NEBL: variants seen among roughly 807,000 people sequenced by gnomAD.
NEBL encodes LIM and SH3 protein 2.
Under a neutral mutation model 140.2 loss-of-function variants are expected in NEBL, and 122 were observed. The ratio of observed to expected loss-of-function variants is 0.87; its 90% confidence interval spans 0.75 to 1.01. The LOEUF (loss-of-function observed/expected upper bound fraction) is 1.01. Among genes scored for constraint, NEBL ranks in the 50% least tolerant of loss-of-function variants. NEBL has a pLI of 0.00. For synonymous variants in NEBL, 436 were observed against 398.9 expected, an observed-to-expected ratio of 1.09 and a Z score of -1.11; for missense variants, 1,365 against 1,231.3, an observed-to-expected ratio of 1.11 and a Z score of -1.62.
chr10:21,000,035 A>G (rs1837826839), intron 3 of NEBL, among the ~76,000 whole-genome samples: 1 of 151,876 alleles, frequency 6.6e-6, no homozygotes, highest in South Asian at 2.1e-4. Flanking sequence ...AAGGTTTTAA[A>G]AAATTAAGCT....
chr10:20,840,718 G>C, intron 13 of NEBL, 21 bp downstream of exon 13: 2 of 1,448,422 alleles, frequency 1.4e-6, no homozygotes, highest in South Asian at 2.3e-5. Flanking sequence ...TTCATCTAAG[G>C]TGTTAAATAA....
intron 3 of NEBL, among the ~76,000 whole-genome samples, chr10:20,888,505 C>A (rs574547106): frequency 6.6e-6 from 1 of 152,318 alleles, no homozygotes; most frequent in African/African-American, 2.4e-5. Flanking sequence ...CAGTTTCATG[C>A]TGGATGAGTG....
chr10:20,840,716 A>C (rs375985605), intron 13 of NEBL, 23 bp downstream of exon 13: 38 of 1,436,410 alleles, frequency 2.6e-5, no homozygotes, highest in Non-Finnish European at 3.6e-5. Context: ...TATTCATCTA[A>C]GGTGTTAAAT....
intron 3 of NEBL, among the ~76,000 whole-genome samples, chr10:21,189,608 G>T (rs1424331735): frequency 6.6e-6 from 1 of 152,092 alleles, no homozygotes; most frequent in African/African-American, 2.4e-5. Flanking sequence ...GGGACTACAG[G>T]CGCCCGCCAC....
chr10:21,139,938 G>A (rs1398650973), intron 2 of NEBL, among the ~76,000 whole-genome samples: 1 of 149,272 alleles, frequency 6.7e-6, no homozygotes, highest in Non-Finnish European at 1.5e-5. Flanking sequence ...ATCACTTGAG[G>A]CCAGGAGTTC....
At chr10:20,921,024 G>A (rs1428325679) in intron 4 of NEBL, among the ~76,000 whole-genome samples, 1 of 152,048 alleles carries the variant, frequency 6.6e-6, no homozygotes, top group Non-Finnish European at 1.5e-5. Flanking sequence ...AAAATGTCTG[G>A]AGTAATGACA....
rs188543563 is a variant in NEBL, at chr10:21,185,291, C to G, written n.349-12814G>C. On this transcript the variant is annotated intron_variant and non_coding_transcript_variant, in intron 3 of 8. Transcript: ENST00000675702. ...GAGTGAAAGGGCATGAAAAGGTCACCGTTCCCAGAGACTGCAGAGACCTGC... is the reference window on the plus strand; with the variant it reads ...GAGTGAAAGGGCATGAAAAGGTCACGGTTCCCAGAGACTGCAGAGACCTGC... Among the ~76,000 whole-genome samples the G allele has an allele frequency of 2.8e-3, 422 of 152,176 alleles. 3 individuals are homozygous for G. Among genetic ancestry groups the G allele is most frequent in the African/African-American group, 9.6e-3 (400 of 41,520 alleles).
intron 7 of NEBL, among the ~76,000 whole-genome samples, chr10:20,867,334 C>T (rs896584393): frequency 6.6e-6 from 1 of 152,082 alleles, no homozygotes; most frequent in South Asian, 2.1e-4. Context: ...TTATTTTATG[C>T]TCTTCAATCA....
intron 2 of NEBL, among the ~76,000 whole-genome samples, chr10:21,158,722 T>C (rs2132147058): frequency 6.6e-6 from 1 of 152,328 alleles, no homozygotes; most frequent in East Asian, 1.9e-4. Context: ...GCAAAACGAC[T>C]TGATGTCTGA....
At chr10:21,130,438 C>A (rs1207187307) in intron 2 of NEBL, among the ~76,000 whole-genome samples, 1 of 152,128 alleles carries the variant, frequency 6.6e-6, no homozygotes, top group Non-Finnish European at 1.5e-5. Flanking sequence ...TACCCAACAA[C>A]AGCAGAATAC....
chr10:20,924,839 C>T (rs113279397), intron 4 of NEBL, among the ~76,000 whole-genome samples: 1 of 152,092 alleles, frequency 6.6e-6, no homozygotes, highest in African/African-American at 2.4e-5. Context: ...TAACCATAAT[C>T]CGGCTGGCGC....
chr10:21,182,342 G>T (rs531263476), intron 3 of NEBL, among the ~76,000 whole-genome samples: 1 of 151,962 alleles, frequency 6.6e-6, no homozygotes, highest in Non-Finnish European at 1.5e-5. Flanking sequence ...TAGGTGTGGC[G>T]GTGTGTGCCT....
intron 2 of NEBL, among the ~76,000 whole-genome samples, chr10:21,169,445 A>G (rs533834208): frequency 4.6e-4 from 70 of 152,250 alleles, no homozygotes; most frequent in African/African-American, 1.6e-3. Context: ...CCACAACCAC[A>G]GGGAGCAGCT....
intron 4 of NEBL, among the ~76,000 whole-genome samples, chr10:20,885,414 A>T (rs1040261021): frequency 6.6e-6 from 1 of 152,246 alleles, no homozygotes; most frequent in Admixed American, 6.5e-5. Context: ...GACTAATTAC[A>T]ACAATGGAAA....
chr10:20,836,879 G>A (rs1264000602), intron 13 of NEBL, among the ~76,000 whole-genome samples: 1 of 151,766 alleles, frequency 6.6e-6, no homozygotes, highest in East Asian at 1.9e-4. Flanking sequence ...CCAAGAAGAA[G>A]TCCTGCAACA....
chr10:21,071,914 G>T (rs571449176), intron 2 of NEBL, among the ~76,000 whole-genome samples: 5 of 152,228 alleles, frequency 3.3e-5, no homozygotes, highest in African/African-American at 1.2e-4. Context: ...TGTCTCCTGG[G>T]TTCAAGCAAT....
chr10:20,862,809 C>T (rs908928597), intron 7 of NEBL, among the ~76,000 whole-genome samples: 1 of 152,152 alleles, frequency 6.6e-6, no homozygotes, highest in Admixed American at 6.5e-5. Context: ...CTCCATATGA[C>T]TGGCTTTATT....
rs1835085138 is a variant in NEBL, at chr10:20,782,279, G to A, written c.*3468C>T. The A allele has an allele frequency of 6.6e-6, 1 of 152,464 alleles. No individual in the cohort carries two copies. The highest frequency in any genetic ancestry group is 1.5e-5 in the Non-Finnish European group (1 of 68,006). 9.4% of individuals were successfully genotyped at this position (152,464 alleles called of 1,614,324 possible). On this transcript the variant is annotated 3_prime_UTR_variant, in exon 28 of 28. Coordinates refer to ENST00000377122, the MANE Select transcript of NEBL (RefSeq NM_006393.3). ...TTCCAAGAGCATACTAGACAAACAA[G>A]AGTAATCAAAAAGGCACCTATATTT...
At chr10:21,041,553 T>C (rs1438800528) in intron 2 of NEBL, among the ~76,000 whole-genome samples, 2 of 152,214 alleles carry the variant, frequency 1.3e-5, no homozygotes, top group East Asian at 3.8e-4. Flanking sequence ...AAGGTTATAC[T>C]AACCTTCAGC....
Sources: gnomAD v4.1 joint callset for allele counts (sites outside exome capture counted in the v4.1 genomes callset) on GRCh38, gnomAD v4.1.1 for gene constraint, MANE v1.5 for transcripts, NCBI Gene and HGNC (gene_info 2026-07-23, HGNC 2026-07-21) for gene names.